Variants in TMC2 observed in about 807,000 individuals in gnomAD.
TMC2 encodes transmembrane channel-like protein 2.
TMC2 carries 102 observed loss-of-function variants against 105.9 expected under a neutral mutation model. The ratio of observed to expected loss-of-function variants is 0.96; its 90% CI spans 0.82 to 1.14. TMC2 has a LOEUF of 1.14. TMC2 is among the 50% of genes most tolerant of loss of function. The pLI, the probability that TMC2 is intolerant of heterozygous loss-of-function variation, is 0.00. For missense variants in TMC2, 1,093 were observed against 1,134.3 expected, an observed-to-expected ratio of 0.96 and a Z score of 0.52; for synonymous variants, 402 against 422.8, an observed-to-expected ratio of 0.95 and a Z score of 0.60.
chr20:2,561,812 C>T (rs1421775582), intron 3 of TMC2, 46 bp from the exon 4 acceptor site: 2 of 1,590,108 alleles, frequency 1.3e-6, no homozygotes, highest in South Asian at 2.3e-5. Context: ...GAGGACACCA[C>T]CTCCTTTCCA....
chr20:2,579,833 C>G (rs962430062), intron 6 of TMC2, 117 bp from the exon 7 acceptor site: 13 of 623,508 alleles, frequency 2.1e-5, no homozygotes. Flanking sequence ...AAAGGGAGAT[C>G]CAGGTGTCAT....
intron 16 of TMC2, among the ~76,000 whole-genome samples, chr20:2,622,976 G>C (rs962443020): frequency 6.6e-6 from 1 of 151,986 alleles, no homozygotes; most frequent in Admixed American, 6.6e-5. Context: ...AACTGGGGCA[G>C]AGAAATTTTC....
intron 17 of TMC2, among the ~76,000 whole-genome samples, chr20:2,628,402 T>C (rs1278048140): frequency 6.6e-6 from 1 of 152,240 alleles, no homozygotes; most frequent in Non-Finnish European, 1.5e-5. Context: ...TGTTTTTCTA[T>C]GTAAATGTTA....
chr20:2,624,939 C>A (rs924252797), intron 17 of TMC2, among the ~76,000 whole-genome samples: 1 of 152,242 alleles, frequency 6.6e-6, no homozygotes, highest in Non-Finnish European at 1.5e-5. Context: ...GGGCCCACAG[C>A]ACTACTCGAT....
At chr20:2,619,384 T>C (rs1009849251) in intron 16 of TMC2, among the ~76,000 whole-genome samples, 3 of 152,184 alleles carry the variant, frequency 2.0e-5, no homozygotes, top group Non-Finnish European at 2.9e-5. Context: ...GGAAACTTTA[T>C]GTAGGAATAA....
intron 19 of TMC2, among the ~76,000 whole-genome samples, chr20:2,640,629 A>T (rs1484586652): frequency 6.6e-6 from 1 of 152,082 alleles, no homozygotes; most frequent in African/African-American, 2.4e-5. Context: ...CACAGGCCAC[A>T]CTCATCCACA....
At chr20:2,640,233 T>G (rs1371000130) in intron 19 of TMC2, among the ~76,000 whole-genome samples, 2 of 152,272 alleles carry the variant, frequency 1.3e-5, no homozygotes, top group East Asian at 3.9e-4. Context: ...CAGCCTCAAG[T>G]GATCCGCCTC....
chr20:2,613,463 T>A, intron 14 of TMC2, 141 bp downstream of exon 14: 1 of 1,251,298 alleles, frequency 8.0e-7, no homozygotes, highest in Non-Finnish European at 1.1e-6. Flanking sequence ...GTAAAGTGTT[T>A]AATTTGTATT....
chr20:2,615,362 A>G (rs1462798476), intron 14 of TMC2, among the ~76,000 whole-genome samples: 1 of 152,212 alleles, frequency 6.6e-6, no homozygotes, highest in African/African-American at 2.4e-5. Context: ...GACTTAATGT[A>G]TGCATGTTTC....
Position 2,642,415 on chromosome 20 carries a change from G to A in TMC2, c.*1064G>A, listed in dbSNP as rs2146279555. The stretch of plus-strand genomic sequence containing the variant: ...TGAGTTGCCCAGTGCCTCTTATCTT[G>A]GAAGGAAACCTGCCTTACCCAGGGC... On this transcript the variant is annotated 3_prime_UTR_variant, in exon 20 of 20. Transcript: ENST00000358864. Among the ~76,000 whole-genome samples the A allele has an allele frequency of 6.6e-6, 1 of 152,154 alleles. No individual in the cohort carries two copies. The highest frequency in any genetic ancestry group is 1.5e-5 in the Non-Finnish European group (1 of 68,014).
At chr20:2,567,242 G>A (rs1437736130) in intron 4 of TMC2, among the ~76,000 whole-genome samples, 4 of 152,200 alleles carry the variant, frequency 2.6e-5, no homozygotes, top group East Asian at 1.9e-4. Context: ...CCTGCTCAGC[G>A]GTAACAAGGA....
At chr20:2,587,617 T>G (rs1393143146) in intron 7 of TMC2, among the ~76,000 whole-genome samples, 1 of 152,154 alleles carries the variant, frequency 6.6e-6, no homozygotes, top group Non-Finnish European at 1.5e-5. Context: ...TTCTTTTAAT[T>G]GACAAATATA....
chr20:2,617,534 C>T (rs1320329396), intron 16 of TMC2: 1 of 573,652 alleles, frequency 1.7e-6, no homozygotes, highest in Non-Finnish European at 3.0e-6. Context: ...CACCTGTGGC[C>T]GTTGAGTGCT....
At chr20:2,606,880 A>AT (rs2086396336) in intron 11 of TMC2, among the ~76,000 whole-genome samples, 1 of 88,012 alleles carries the variant, frequency 1.1e-5, no homozygotes, top group African/African-American at 5.9e-5. Flanking sequence ...TTTTCCCTTA[A>AT]TTTCTTTTTT....
At chr20:2,636,613 TG>T (rs1380517686) in intron 18 of TMC2, among the ~76,000 whole-genome samples, 2 of 69,144 alleles carry the variant, frequency 2.9e-5, no homozygotes, top group Non-Finnish European at 6.4e-5. Flanking sequence ...CACCTTCTTC[TG>T]GTTTTTTGTT....
intron 2 of TMC2, among the ~76,000 whole-genome samples, chr20:2,554,776 T>C (rs1265796269): frequency 6.6e-6 from 1 of 152,072 alleles, no homozygotes; most frequent in African/African-American, 2.4e-5. Context: ...TCTAGTCTAA[T>C]TCCATTATGA....
intron 11 of TMC2, among the ~76,000 whole-genome samples, chr20:2,605,079 C>G (rs2086378980): frequency 6.6e-6 from 1 of 152,162 alleles, no homozygotes; most frequent in Non-Finnish European, 1.5e-5. Flanking sequence ...TGGGGGCAGG[C>G]TTGTGGGACT....
rs577822350 is a variant in TMC2 at position 2,581,137 on chromosome 20, T to C, written c.834+1081T>C. On this transcript the variant is annotated intron_variant, in intron 7 of 19. Transcript: ENST00000358864. Reference sequence around the variant, plus strand: ...AAATGGTTCTGTGAGCATATTGGAGTCAATTCTATCTGCAGTTACATTTTC... The same window carrying C: ...AAATGGTTCTGTGAGCATATTGGAGCCAATTCTATCTGCAGTTACATTTTC... Among the ~76,000 whole-genome samples, 3 of 151,906 alleles carry C rather than the reference T, an allele frequency of 2.0e-5. No homozygotes were observed. In the East Asian group the frequency reaches 5.8e-4, roughly 29 times the overall value.
intron 17 of TMC2, among the ~76,000 whole-genome samples, chr20:2,629,399 G>A (rs927935574): frequency 6.6e-6 from 1 of 151,916 alleles, no homozygotes; most frequent in African/African-American, 2.4e-5. Context: ...TTTTTGGAGA[G>A]TTGAGATAAG....
Sources: allele counts gnomAD v4.1 joint callset (sites outside exome capture counted in the v4.1 genomes callset), GRCh38; gene constraint gnomAD v4.1.1; transcripts MANE v1.5; gene names NCBI Gene and HGNC (gene_info 2026-07-23, HGNC 2026-07-21).